Variants in HIVEP3 observed in about 807,000 individuals in gnomAD.
HIVEP3 encodes transcription factor HIVEP3.
HIVEP3 carries 49 observed loss-of-function variants against 152.8 expected under a neutral mutation model. That is an observed-to-expected ratio of 0.32 (90% CI 0.26 to 0.41). The LOEUF is 0.41. Among genes scored for constraint, HIVEP3 ranks in the 10% least tolerant of loss-of-function variants. The pLI is 1.00. For missense variants in HIVEP3, 2,790 were observed against 3,103.3 expected (o/e 0.90, Z 2.40); for synonymous variants, 1,269 against 1,289.0 (o/e 0.98, Z 0.33).
At chr1:41,835,260 C>A (rs1433766467) in intron 1 of HIVEP3, among the ~76,000 whole-genome samples, 1 of 152,142 alleles carries the variant, frequency 6.6e-6, no homozygotes, top group Non-Finnish European at 1.5e-5. Context: ...ATTTTTTTCA[C>A]AGCTCTGGAG....
chr1:41,676,060 C>CT (rs564390010), intron 2 of HIVEP3, among the ~76,000 whole-genome samples: 10,113 of 147,288 alleles, frequency 0.069, 1,115 homozygotes, highest in African/African-American at 0.24. Flanking sequence ...TCTTTTCTTT[C>CT]TTTTTTTTTT....
At chr1:41,518,984 G>A (rs1360076738) in intron 6 of HIVEP3, among the ~76,000 whole-genome samples, 1 of 152,112 alleles carries the variant, frequency 6.6e-6, no homozygotes, top group Non-Finnish European at 1.5e-5. Flanking sequence ...GACACCTCTA[G>A]GGCAGCTCAC....
intron 1 of HIVEP3, among the ~76,000 whole-genome samples, chr1:42,003,884 G>A (rs1200211566): frequency 1.3e-5 from 2 of 151,926 alleles, no homozygotes; most frequent in African/African-American, 2.4e-5. Context: ...GAGATTTTTA[G>A]TTAAATTAAG....
rs1052480174 is a variant in HIVEP3 at position 41,510,173 on chromosome 1, C to G, written c.*278G>C. ...AGGAGGCTTCACCATCAGCCTTTCC[C>G]CAAAACCATAAACTATTCACAGCCT... On this transcript the variant is annotated 3_prime_UTR_variant, in exon 9 of 9. Transcript: ENST00000372583. 2.0e-5 allele frequency: 6 copies of G among 304,700 alleles called. No homozygotes were observed. The highest frequency in any genetic ancestry group is 2.4e-5 in the Non-Finnish European group (4 of 167,696). 18.9% of individuals were successfully genotyped at this position (304,700 alleles called of 1,614,324 possible). A position where few individuals can be genotyped will look rare whatever the true frequency, so the allele number is the denominator to read the frequency against.
chr1:41,847,261 C>A (rs757568994), intron 1 of HIVEP3: 2 of 152,132 alleles, frequency 1.3e-5, no homozygotes, highest in African/African-American at 2.4e-5. Flanking sequence ...AAACATCAAA[C>A]CATAAGAGAT....
At position 41,719,383 on chromosome 1, in the gene HIVEP3, G is replaced by A. The variant is rs1004963929; in HGVS notation, c.-800-18388C>T. Among the ~76,000 whole-genome samples, 7 of 152,142 alleles carry A rather than the reference G, an allele frequency of 4.6e-5. 1 individual carries two copies. The highest frequency in any genetic ancestry group is 3.8e-4 in the East Asian group (2 of 5,196). ...AGAACTTGTTTTGCCTTTAGTTCTCGCCTTTACCTTGAAACAATGGTCATT... is the reference window on the plus strand; with the variant it reads ...AGAACTTGTTTTGCCTTTAGTTCTCACCTTTACCTTGAAACAATGGTCATT... On this transcript the variant is annotated intron_variant, in intron 1 of 8. Transcript: ENST00000372583.
rs1643841174 is a variant in HIVEP3 at position 41,858,806 on chromosome 1, C to T, written c.-801+59607G>A. Among the ~76,000 whole-genome samples the T allele has an allele frequency of 1.3e-5, 2 of 152,166 alleles. 1 individual carries two copies. Among genetic ancestry groups the T allele is most frequent in the South Asian group, 4.1e-4 (2 of 4,834 alleles). ...AGAGGGAAGTCACGATGGACCAGACCAGCAGCTCAGCAAAGGCCTCTGTGA... is the reference window on the plus strand; with the variant it reads ...AGAGGGAAGTCACGATGGACCAGACTAGCAGCTCAGCAAAGGCCTCTGTGA... On this transcript the variant is annotated intron_variant, in intron 1 of 8. Coordinates refer to ENST00000372583, the MANE Select transcript of HIVEP3 (RefSeq NM_024503.5).
At chr1:41,605,019 C>T (rs1401829360) in intron 3 of HIVEP3, among the ~76,000 whole-genome samples, 10 of 149,534 alleles carry the variant, frequency 6.7e-5, no homozygotes, top group Admixed American at 2.0e-4. Flanking sequence ...GTGGGAGGAT[C>T]GCTTGATCCC....
chr1:41,889,691 G>A lies in HIVEP3; in HGVS notation c.-801+28722C>T, dbSNP rs150592227. Among the ~76,000 whole-genome samples, 8 of 152,276 alleles carry A rather than the reference G, an allele frequency of 5.3e-5. No individual in the cohort carries two copies. In the East Asian group the frequency reaches 1.2e-3, roughly 22 times the overall value. ...AGTGTGTATCGATGGAGAGGGTAGG[G>A]AGCCCTGTGGGGAATGAGGGCACCC... On this transcript the variant is annotated intron_variant, in intron 1 of 8. Transcript: ENST00000372583.
intron 1 of HIVEP3, among the ~76,000 whole-genome samples, chr1:41,862,381 T>C (rs1388836010): frequency 6.6e-6 from 1 of 152,212 alleles, no homozygotes; most frequent in African/African-American, 2.4e-5. Flanking sequence ...TCCAGAACTC[T>C]AATCCTTCCT....
intron 1 of HIVEP3, among the ~76,000 whole-genome samples, chr1:41,853,118 G>A (rs1643650347): frequency 6.6e-6 from 1 of 152,178 alleles, no homozygotes; most frequent in African/African-American, 2.4e-5. Context: ...ACAGAGACTG[G>A]CCCAGCTCTC....
intron 1 of HIVEP3, among the ~76,000 whole-genome samples, chr1:41,808,119 C>G (rs543220215): frequency 2.0e-5 from 3 of 152,326 alleles, no homozygotes; most frequent in African/African-American, 7.2e-5. Context: ...TTCACAACAA[C>G]CCTATAAAGT....
intron 1 of HIVEP3, among the ~76,000 whole-genome samples, chr1:41,894,777 A>G (rs1644502184): frequency 6.6e-6 from 1 of 152,220 alleles, no homozygotes; most frequent in African/African-American, 2.4e-5. Context: ...GTAACCCAGC[A>G]CTGAAGGTGA....
At chr1:41,521,487 G>C (rs1387111953) in intron 6 of HIVEP3, among the ~76,000 whole-genome samples, 2 of 152,190 alleles carry the variant, frequency 1.3e-5, no homozygotes, top group African/African-American at 4.8e-5. Context: ...CCTGAGTGCT[G>C]TCCGGGTCCC....
intron 5 of HIVEP3, 46 bp from the exon 6 acceptor site, chr1:41,524,956 G>A (rs748607956): frequency 1.9e-6 from 3 of 1,568,682 alleles, no homozygotes; most frequent in South Asian, 2.3e-5. Context: ...AAGGAGAAGA[G>A]GCAGGTTCCC....
chr1:41,805,198 T>A (rs968118536), intron 1 of HIVEP3, among the ~76,000 whole-genome samples: 32 of 152,038 alleles, frequency 2.1e-4, no homozygotes, highest in African/African-American at 7.7e-4. Flanking sequence ...TTAGCCAAGC[T>A]TGGTGGTGCG....
intron 1 of HIVEP3, among the ~76,000 whole-genome samples, chr1:41,804,321 C>G (rs942792237): frequency 1.3e-5 from 2 of 152,224 alleles, no homozygotes; most frequent in Non-Finnish European, 2.9e-5. Context: ...TCCCCACCAA[C>G]CGACAGAAGG....
At chr1:41,887,631 T>C (rs1405013827) in intron 1 of HIVEP3, among the ~76,000 whole-genome samples, 5 of 152,184 alleles carry the variant, frequency 3.3e-5, no homozygotes, top group African/African-American at 1.2e-4. Flanking sequence ...CTGGATACCA[T>C]CACTGCAGCC....
At chr1:41,932,651 G>T (rs1033806636) in intron 1 of HIVEP3, among the ~76,000 whole-genome samples, 8 of 151,702 alleles carry the variant, frequency 5.3e-5, no homozygotes, top group African/African-American at 1.9e-4. Context: ...TATCCAAATT[G>T]CTTTTTTGTT....
Sources: allele counts gnomAD v4.1 joint callset (sites outside exome capture counted in the v4.1 genomes callset), GRCh38; gene constraint gnomAD v4.1.1; transcripts MANE v1.5; gene names NCBI Gene and HGNC (gene_info 2026-07-23, HGNC 2026-07-21).